The following LDLRAD3 variants were observed in gnomAD, a reference collection of about 807,000 sequenced individuals.
LDLRAD3 encodes low density lipoprotein receptor class A domain containing 3.
In LDLRAD3, 20 loss-of-function variants were observed where a neutral mutation model predicts 29.4. That is an observed-to-expected ratio of 0.68 (90% CI 0.48 to 0.99). LDLRAD3 has a LOEUF of 0.99. Among genes scored for constraint, LDLRAD3 ranks in the 50% least tolerant of loss-of-function variants. The pLI is 0.00. For synonymous variants in LDLRAD3, 157 were observed against 192.7 expected (o/e 0.81, Z 1.53); for missense variants, 420 against 454.3 (o/e 0.92, Z 0.69).
intron 4 of LDLRAD3, among the ~76,000 whole-genome samples, chr11:36,140,006 A>G (rs1854058281): frequency 6.6e-6 from 1 of 152,212 alleles, no homozygotes; most frequent in Admixed American, 6.5e-5. Context: ...GGAAAATGAC[A>G]TATCTCTTAT....
At chr11:36,058,399 G>A (rs1033421772) in intron 2 of LDLRAD3, among the ~76,000 whole-genome samples, 1 of 152,146 alleles carries the variant, frequency 6.6e-6, no homozygotes, top group Non-Finnish European at 1.5e-5. Context: ...AACTCCATTT[G>A]CTTATAGGTC....
intron 1 of LDLRAD3, chr11:35,972,624 T>C (rs898504990): frequency 6.6e-6 from 1 of 152,226 alleles, no homozygotes; most frequent in Admixed American, 6.5e-5. Context: ...TCTGAGCAGA[T>C]AGATAGTCTG....
intron 4 of LDLRAD3, among the ~76,000 whole-genome samples, chr11:36,172,841 TAGAA>T (rs1390738644): frequency 6.6e-6 from 1 of 152,220 alleles, no homozygotes; most frequent in East Asian, 1.9e-4. Flanking sequence ...ACTGGCTTCA[TAGAA>T]AGATTTAGGG....
chr11:36,013,827 G>A (rs1851986982), intron 1 of LDLRAD3, among the ~76,000 whole-genome samples: 1 of 152,078 alleles, frequency 6.6e-6, no homozygotes, highest in South Asian at 2.1e-4. Flanking sequence ...GACAGTGGCT[G>A]TTACAGATGC....
chr11:36,195,063 T>C (rs749372015), intron 4 of LDLRAD3, among the ~76,000 whole-genome samples: 22 of 152,192 alleles, frequency 1.4e-4, no homozygotes, highest in Non-Finnish European at 2.5e-4. Flanking sequence ...AGGACCATAC[T>C]TCTGTTATAG....
chr11:36,102,812 C>T (rs1853469354), intron 4 of LDLRAD3, among the ~76,000 whole-genome samples: 1 of 152,100 alleles, frequency 6.6e-6, no homozygotes. Flanking sequence ...TTAGCAGGTC[C>T]TGCCATATAC....
At chr11:36,180,129 GT>G (rs1487945870) in intron 4 of LDLRAD3, among the ~76,000 whole-genome samples, 1 of 152,136 alleles carries the variant, frequency 6.6e-6, no homozygotes, top group Non-Finnish European at 1.5e-5. Flanking sequence ...GTTCCAGGGG[GT>G]TCCTACCTGC....
At chr11:35,980,303 T>C (rs1412487782) in intron 1 of LDLRAD3, among the ~76,000 whole-genome samples, 1 of 152,200 alleles carries the variant, frequency 6.6e-6, no homozygotes, top group Admixed American at 6.5e-5. Context: ...ATTTTCCCCT[T>C]CCTTGATACC....
rs115298452 is a variant in LDLRAD3, at chr11:36,106,611, C to G, written c.454+8150C>G. Among the ~76,000 whole-genome samples the G allele has an allele frequency of 8.6e-3, 1,304 of 152,328 alleles. 14 individuals carry two copies. The highest frequency in any genetic ancestry group is 0.03 in the African/African-American group (1,254 of 41,578). ...GAGGGGTCACCAAATCAGACCAACA[C>G]TGCTAACTCTGTGGCTTTTGTGTCC... is the stretch of plus-strand genomic sequence containing the variant. On this transcript the variant is annotated intron_variant, in intron 4 of 5. Coordinates refer to ENST00000315571, the MANE Select transcript of LDLRAD3 (RefSeq NM_174902.4).
At chr11:36,041,066 A>C (rs1852375404) in intron 2 of LDLRAD3, among the ~76,000 whole-genome samples, 1 of 152,168 alleles carries the variant, frequency 6.6e-6, no homozygotes, top group African/African-American at 2.4e-5. Context: ...GGACACTTTG[A>C]GTATATTTCT....
chr11:36,061,231 T>A (rs1450100572), intron 2 of LDLRAD3, among the ~76,000 whole-genome samples: 1 of 152,196 alleles, frequency 6.6e-6, no homozygotes, highest in East Asian at 1.9e-4. Flanking sequence ...CTCCGCCTGC[T>A]GAGTTCCAGT....
chr11:36,201,733 G>A (rs1214900694), intron 4 of LDLRAD3, among the ~76,000 whole-genome samples: 1 of 152,246 alleles, frequency 6.6e-6, no homozygotes, highest in Non-Finnish European at 1.5e-5. Flanking sequence ...GCCTTGTGTT[G>A]TGTTGTAGTC....
At chr11:35,972,913 C>T (rs1181493467) in intron 1 of LDLRAD3, 1 of 152,076 alleles carries the variant, frequency 6.6e-6, no homozygotes, top group African/African-American at 2.4e-5. Flanking sequence ...ATTAGCCAGG[C>T]ATGGTGGTGT....
At position 35,962,217 on chromosome 11, in the gene LDLRAD3, C is replaced by T. The variant is rs540469397; in HGVS notation, c.46+18073C>T. Among the ~76,000 whole-genome samples the T allele has an allele frequency of 5.9e-4, 89 of 152,100 alleles. 1 individual carries two copies. The highest frequency in any genetic ancestry group is 1.7e-3 in the Admixed American group (26 of 15,266). ...TTTTTTGTTGATTCTAAAATCCTCA[C>T]GTTTTTGGAGTTTGAACTTGAGCTT... On this transcript the variant is annotated intron_variant, in intron 1 of 5. Transcript: ENST00000315571.
intron 4 of LDLRAD3, among the ~76,000 whole-genome samples, chr11:36,180,296 G>A (rs11824804): frequency 0.015 from 2,073 of 136,560 alleles, 51 homozygotes; most frequent in African/African-American, 0.051. Flanking sequence ...CAACTGCTGT[G>A]CTGGCTTTCT....
intron 4 of LDLRAD3, among the ~76,000 whole-genome samples, chr11:36,195,294 AGC>A (rs1205556479): frequency 1.0e-3 from 3 of 2,866 alleles, no homozygotes; most frequent in East Asian, 0.2. Context: ...TTTTTCTAGA[AGC>A]ATAGAAGCAT....
chr11:36,018,635 G>A (rs1425441174), intron 1 of LDLRAD3, among the ~76,000 whole-genome samples: 5 of 152,116 alleles, frequency 3.3e-5, no homozygotes, highest in Admixed American at 3.3e-4. Context: ...GGGTCCAAAG[G>A]TAAGCTCATT....
At chr11:36,007,641 CTG>C (rs1245467851) in intron 1 of LDLRAD3, among the ~76,000 whole-genome samples, 10 of 152,328 alleles carry the variant, frequency 6.6e-5, no homozygotes, top group Non-Finnish European at 1.5e-4. Flanking sequence ...AAACACAAAA[CTG>C]TTAGAACAGA....
At chr11:36,113,672 C>CTTTT (rs745375991) in intron 4 of LDLRAD3, among the ~76,000 whole-genome samples, 2,157 of 126,318 alleles carry the variant, frequency 0.017, 132 homozygotes, top group African/African-American at 0.061. Flanking sequence ...CATAGCATCA[C>CTTTT]TTTTTTTTTT....
Sources: gnomAD v4.1 joint callset for allele counts (sites outside exome capture counted in the v4.1 genomes callset) on GRCh38, gnomAD v4.1.1 for gene constraint, MANE v1.5 for transcripts, NCBI Gene and HGNC (gene_info 2026-07-23, HGNC 2026-07-21) for gene names.